SPACA6: variants seen among roughly 807,000 people sequenced by gnomAD.
SPACA6 encodes sperm acrosome membrane-associated protein 6.
For missense variants in SPACA6, 8 were observed against 2.8 expected (o/e 2.88, Z -1.34); for synonymous variants, 6 against 1.5 (o/e 4.05, Z -2.21).
Position 51,704,425 on chromosome 19 carries a change from TTCC to T in SPACA6, c.888_890del (p.Phe296del). 2.5e-6 allele frequency: 1 copy of T among 401,196 alleles called. No homozygotes were observed. Among genetic ancestry groups the T allele is most frequent in the Non-Finnish European group, 4.4e-6 (1 of 226,252 alleles). The allele number at this position is 401,196 out of a possible 1,614,324, so 24.9% of individuals were successfully genotyped here. The stretch of plus-strand genomic sequence containing the variant: ...CGAGGCTCTGACGCCCAGCAATCTG[TTCC>T]TGCTTGCAGTCCTCGGGGCCCTCGC... On this transcript the variant is annotated inframe_deletion, in exon 8 of 9. Coordinates refer to ENST00000637797, the MANE Select transcript of SPACA6 (RefSeq NM_001316972.2).
chr19:51,691,576 A>G, upstream of SPACA6, among the ~76,000 whole-genome samples: 1 of 151,842 alleles, frequency 6.6e-6, no homozygotes. Flanking sequence ...CGATGGGCAG[A>G]GAGAGAAGCC....
rs1369718344 is a variant in SPACA6 at position 51,704,170 on chromosome 19, C to G, written c.714C>G (p.Leu238=). The G allele has an allele frequency of 4.0e-5, 16 of 400,956 alleles. No individual in the cohort carries two copies. The highest frequency in any genetic ancestry group is 3.5e-4 in the Admixed American group (8 of 22,726). The allele number at this position is 400,956 out of a possible 1,614,324, so 24.8% of individuals were successfully genotyped here. ...AAGACCAGCGCCCCCTGGCCCGGCT[C>G]TACTTCTTTCTTAACGGTGGGGCGG... ...IKQDQRPLAR[L]YFFLNVTGPP... The change falls in exon 7 of 9, where the codon CTC becomes CTG. Residue 238 remains leucine, a synonymous_variant. Coordinates refer to ENST00000637797, the MANE Select transcript of SPACA6 (RefSeq NM_001316972.2).
Position 51,702,175 on chromosome 19 carries a change from G to T in SPACA6, c.361+449G>T, listed in dbSNP as rs139961306. On this transcript the variant is annotated intron_variant, in intron 3 of 8. Coordinates refer to ENST00000637797, the MANE Select transcript of SPACA6 (RefSeq NM_001316972.2). ...CTATTTCCCCGCGTGGACCATTTTT[G>T]ATCTGGCCCCGCCCCTTCGATGAAA... Among the ~76,000 whole-genome samples the T allele has an allele frequency of 1.4e-4, 21 of 152,092 alleles. No individual in the cohort carries two copies. The East Asian group carries it at 2.7e-3, about 20-fold the overall frequency.
chr19:51,696,824 T>A (rs1034329967), intron 2 of SPACA6, among the ~76,000 whole-genome samples: 7 of 151,958 alleles, frequency 4.6e-5, no homozygotes, highest in Admixed American at 4.6e-4. Flanking sequence ...CTGAGCAAGG[T>A]GACAGTGACA....
intron 2 of SPACA6, 114 bp downstream of exon 2, chr19:51,694,669 G>C: frequency 2.5e-6 from 1 of 398,282 alleles, no homozygotes; most frequent in East Asian, 3.6e-5. Flanking sequence ...GCAGTGATCC[G>C]GGAGGGGAAA....
At chr19:51,697,042 TG>T (rs1239463351) in intron 2 of SPACA6, among the ~76,000 whole-genome samples, 1 of 152,326 alleles carries the variant, frequency 6.6e-6, no homozygotes, top group East Asian at 1.9e-4. Flanking sequence ...TGCAGATTTC[TG>T]GGCTTCACCA....
intron 2 of SPACA6, among the ~76,000 whole-genome samples, chr19:51,710,979 C>A (rs1219179160): frequency 3.3e-5 from 5 of 152,126 alleles, no homozygotes; most frequent in Admixed American, 2.6e-4. Context: ...ACTTGGGAGG[C>A]TGAGGCAGGA....
At chr19:51,705,976 G>T (rs4802842), downstream of SPACA6, among the ~76,000 whole-genome samples, 42,080 of 151,958 alleles carry the variant, frequency 0.28, 5,875 homozygotes, top group South Asian at 0.38. Context: ...GATTACAGGC[G>T]TGAGCCACCA....
At chr19:51,709,547 A>C (rs1243938435), downstream of SPACA6, among the ~76,000 whole-genome samples, 1 of 149,688 alleles carries the variant, frequency 6.7e-6, no homozygotes, top group East Asian at 2.0e-4. Context: ...AAAAAAAAAA[A>C]AAAGATGACA....
chr19:51,702,032 C>G (rs1568619059), intron 3 of SPACA6, among the ~76,000 whole-genome samples: 1 of 152,138 alleles, frequency 6.6e-6, no homozygotes, highest in African/African-American at 2.4e-5. Flanking sequence ...GATCGGCACT[C>G]CAGCCTGGGT....
intron 1 of SPACA6, chr19:51,693,980 AGGGG>A: frequency 2.9e-6 from 1 of 341,860 alleles, no homozygotes; most frequent in Non-Finnish European, 5.2e-6. Flanking sequence ...AGACTCAGAG[AGGGG>A]GAGGATGGAG....
downstream of SPACA6, chr19:51,713,114 A>C: frequency 3.3e-6 from 1 of 305,652 alleles, no homozygotes; most frequent in East Asian, 5.3e-5. The surrounding 1 kb of genome is among the most constrained non-coding windows in gnomAD (Gnocchi z 4.5). Context: ...GGCTGGGGGA[A>C]AATAAATAAA....
upstream of SPACA6, chr19:51,685,214 A>C (rs1257225234): frequency 1.3e-5 from 2 of 152,228 alleles, no homozygotes; most frequent in Non-Finnish European, 2.9e-5. Flanking sequence ...AGGTAATAAT[A>C]GTGGAACTTG....
upstream of SPACA6, chr19:51,692,870 C>T (rs2083387353): frequency 1.9e-6 from 1 of 534,196 alleles, no homozygotes; most frequent in South Asian, 1.4e-5. This position sits in a 1 kb window ranked among gnomAD's most constrained non-coding sequence, Gnocchi z 5.6. Flanking sequence ...CCAGGCTGCG[C>T]CCTGCACGGG....
exon 3 of SPACA6, chr19:51,712,366 A>G (rs1378145511): frequency 6.6e-6 from 1 of 152,228 alleles, no homozygotes; most frequent in African/African-American, 2.4e-5. Flanking sequence ...TTGGAGACAA[A>G]TATGGACAAC....
chr19:51,704,680 T>A, intron 8 of SPACA6, 200 bp downstream of exon 8: 1 of 360,466 alleles, frequency 2.8e-6, no homozygotes. Flanking sequence ...CCCTTAGATC[T>A]AAGAGTCCAG....
exon 3 of SPACA6, chr19:51,712,203 T>TG (rs1568623122): frequency 6.6e-6 from 1 of 152,096 alleles, no homozygotes; most frequent in East Asian, 1.9e-4. Flanking sequence ...TTAGTAGAGA[T>TG]GGGGTTTCAC....
upstream of SPACA6, chr19:51,686,515 C>T (rs1035092863): frequency 2.6e-5 from 4 of 152,270 alleles, no homozygotes; most frequent in East Asian, 3.9e-4. Flanking sequence ...AACTCTAGAT[C>T]GTAAGTGAAA....
At chr19:51,690,294 C>A (rs982799926), upstream of SPACA6, among the ~76,000 whole-genome samples, 11 of 151,988 alleles carry the variant, frequency 7.2e-5, no homozygotes, top group African/African-American at 2.4e-4. Flanking sequence ...CACACTCCAG[C>A]CCCTAACTCC....
Sources: gnomAD v4.1 joint callset for allele counts (sites outside exome capture counted in the v4.1 genomes callset) on GRCh38, gnomAD v4.1.1 for gene constraint, Gnocchi (gnomAD v3.1) non-coding constraint, MANE v1.5 for transcripts, NCBI Gene and HGNC (gene_info 2026-07-23, HGNC 2026-07-21) for gene names.